Variants in PKN2 observed in about 807,000 individuals in gnomAD.
PKN2 encodes serine/threonine-protein kinase N2.
PKN2 carries 38 observed loss-of-function variants against 119.1 expected under a neutral mutation model. That is an observed-to-expected ratio of 0.32 (90% CI 0.25 to 0.42). The LOEUF is 0.42. Ranked by LOEUF, PKN2 falls within the 10% of genes least tolerant of loss-of-function variation. PKN2 has a pLI of 1.00. For synonymous variants in PKN2, 390 were observed against 384.9 expected, an observed-to-expected ratio of 1.01 and a Z score of -0.15; for missense variants, 850 against 1,165.1, an observed-to-expected ratio of 0.73 and a Z score of 3.94.
intron 1 of PKN2, among the ~76,000 whole-genome samples, chr1:88,699,038 T>C (rs1306831917): frequency 2.0e-5 from 3 of 152,206 alleles, no homozygotes; most frequent in African/African-American, 2.4e-5. Context: ...GTTTTTACAT[T>C]GACAAGGTTT....
At chr1:88,796,980 A>C (rs996625540) in intron 8 of PKN2, among the ~76,000 whole-genome samples, 22 of 151,900 alleles carry the variant, frequency 1.4e-4, no homozygotes, top group African/African-American at 5.3e-4. Context: ...ACTCTAGTCA[A>C]TACAGTGATT....
At chr1:88,704,778 CAAAAAAAAA>C (rs35670791) in intron 1 of PKN2, among the ~76,000 whole-genome samples, 2 of 75,950 alleles carry the variant, frequency 2.6e-5, no homozygotes, top group Admixed American at 1.5e-4. Context: ...GACCCTGTCT[CAAAAAAAAA>C]AAAAAAAAAA....
intron 8 of PKN2, among the ~76,000 whole-genome samples, chr1:88,789,923 T>A (rs1349737483): frequency 6.6e-6 from 1 of 151,320 alleles, no homozygotes; most frequent in Non-Finnish European, 1.5e-5. Flanking sequence ...TGATTATATT[T>A]CCTTTTTAAT....
intron 2 of PKN2, among the ~76,000 whole-genome samples, chr1:88,741,690 A>C (rs1219766753): frequency 6.6e-6 from 1 of 152,134 alleles, no homozygotes; most frequent in East Asian, 1.9e-4. Flanking sequence ...TATTATTTGC[A>C]AATGTAATTA....
intron 8 of PKN2, among the ~76,000 whole-genome samples, chr1:88,803,117 C>T (rs1023763325): frequency 6.6e-6 from 1 of 152,164 alleles, no homozygotes; most frequent in African/African-American, 2.4e-5. Context: ...ACAGTTCTCT[C>T]CCATATTAAT....
chr1:88,777,959 T>C (rs553863936), intron 6 of PKN2, among the ~76,000 whole-genome samples: 8 of 152,306 alleles, frequency 5.3e-5, no homozygotes, highest in African/African-American at 1.7e-4. Context: ...CAACCCCTTA[T>C]CTTAACAGCA....
At chr1:88,782,098 T>C (rs1171140758) in intron 6 of PKN2, among the ~76,000 whole-genome samples, 2 of 152,282 alleles carry the variant, frequency 1.3e-5, no homozygotes, top group East Asian at 3.9e-4. Context: ...GCAGTTTTAT[T>C]GGAGGAATAA....
chr1:88,734,029 C>T (rs1668242663), intron 1 of PKN2, among the ~76,000 whole-genome samples: 1 of 151,934 alleles, frequency 6.6e-6, no homozygotes, highest in Non-Finnish European at 1.5e-5. Context: ...ATAGTGGAGC[C>T]CACCTGTAGT....
intron 2 of PKN2, among the ~76,000 whole-genome samples, chr1:88,745,640 A>G (rs1668740391): frequency 6.6e-6 from 1 of 152,184 alleles, no homozygotes; most frequent in Admixed American, 6.5e-5. Flanking sequence ...GGAAGACTTA[A>G]TATTGTTAAA....
chr1:88,795,938 G>T (rs1414626141), intron 8 of PKN2, among the ~76,000 whole-genome samples: 1 of 152,164 alleles, frequency 6.6e-6, no homozygotes, highest in Non-Finnish European at 1.5e-5. Context: ...TATTTTACAG[G>T]TGAGCAATCT....
chr1:88,810,558 A>G (rs1671740590), intron 15 of PKN2, among the ~76,000 whole-genome samples: 1 of 152,186 alleles, frequency 6.6e-6, no homozygotes, highest in Non-Finnish European at 1.5e-5. Context: ...TTTTTAAGCC[A>G]TAGAGTTTGG....
At chr1:88,760,476 CATCAGTACTGG>C (rs1669398935) in intron 3 of PKN2, 100 bp downstream of exon 3, 3 of 648,350 alleles carry the variant, frequency 4.6e-6, no homozygotes. Context: ...GTAACTCCAA[CATCAGTACTGG>C]TGGCATGGCA....
chr1:88,727,839 C>T (rs944636645), intron 1 of PKN2, among the ~76,000 whole-genome samples: 3 of 152,160 alleles, frequency 2.0e-5, no homozygotes, highest in Non-Finnish European at 4.4e-5. Context: ...ACTAACCGGA[C>T]CACCTACTCT....
intron 1 of PKN2, among the ~76,000 whole-genome samples, chr1:88,739,914 T>C (rs986580013): frequency 6.6e-6 from 1 of 152,106 alleles, no homozygotes; most frequent in African/African-American, 2.4e-5. Flanking sequence ...AAATTACCAA[T>C]TGGAGTACTT....
At chr1:88,790,066 A>G (rs555981699) in intron 8 of PKN2, among the ~76,000 whole-genome samples, 1 of 152,328 alleles carries the variant, frequency 6.6e-6, no homozygotes, top group East Asian at 1.9e-4. Flanking sequence ...ATGCTTGGTT[A>G]TGTATTAGTC....
At chr1:88,768,817 T>G (rs539210176) in intron 3 of PKN2, among the ~76,000 whole-genome samples, 1 of 152,352 alleles carries the variant, frequency 6.6e-6, no homozygotes, top group Non-Finnish European at 1.5e-5. Flanking sequence ...GAAAAAGGTT[T>G]ATTTTTGGCT....
chr1:88,784,602 G>A (rs750614315), intron 6 of PKN2, 37 bp from the exon 7 acceptor site: 1 of 1,328,536 alleles, frequency 7.5e-7, no homozygotes, highest in Non-Finnish European at 1.0e-6. Context: ...TAGATTAAGG[G>A]TTGATGTTCT....
intron 6 of PKN2, among the ~76,000 whole-genome samples, chr1:88,778,086 C>A (rs576861592): frequency 2.0e-5 from 3 of 152,324 alleles, no homozygotes; most frequent in Admixed American, 2.0e-4. Flanking sequence ...TTCGAGTTGT[C>A]CATCTTTTCT....
chr1:88,751,174 C>G (rs1668976919), intron 2 of PKN2, among the ~76,000 whole-genome samples: 1 of 152,026 alleles, frequency 6.6e-6, no homozygotes, highest in Non-Finnish European at 1.5e-5. Context: ...CTTTTTACCT[C>G]TCTATACTTA....
Sources: gnomAD v4.1 joint callset for allele counts (sites outside exome capture counted in the v4.1 genomes callset) on GRCh38, gnomAD v4.1.1 for gene constraint, MANE v1.5 for transcripts, NCBI Gene and HGNC (gene_info 2026-07-23, HGNC 2026-07-21) for gene names.